Variants in VWA5B1 observed in about 807,000 individuals in gnomAD.
The protein encoded by VWA5B1 is von Willebrand factor A domain-containing protein 5B1.
Under a neutral mutation model 118.2 loss-of-function variants are expected in VWA5B1, and 115 were observed. The observed-to-expected ratio is 0.97, with a 90% CI of 0.84 to 1.14. The LOEUF (loss-of-function observed/expected upper bound fraction) is 1.14. Among genes scored for constraint, VWA5B1 ranks in the 50% most tolerant of loss-of-function variants. VWA5B1 has a pLI of 0.00. For synonymous variants in VWA5B1, 682 were observed against 658.4 expected, an observed-to-expected ratio of 1.04 and a Z score of -0.55; for missense variants, 1,596 against 1,603.8, an observed-to-expected ratio of 1.00 and a Z score of 0.08.
At chr1:20,350,977 G>T in intron 20 of VWA5B1, 51 bp downstream of exon 20, 1 of 1,532,810 alleles carries the variant, frequency 6.5e-7, no homozygotes. Context: ...CATTTTCCTG[G>T]GGTGGTCCCT....
chr1:20,304,957 T>C lies in VWA5B1; in HGVS notation c.-26-5619T>C, dbSNP rs979075606. Among the ~76,000 whole-genome samples, 4 of 151,956 alleles carry C rather than the reference T, an allele frequency of 2.6e-5. No individual in the cohort carries two copies. In the East Asian group the frequency reaches 5.8e-4, roughly 22 times the overall value. ...ATCATATATGTAAAGCACTCAGTGG[T>C]ATTTCATCCATTCAGCAAATACTTA... On this transcript the variant is annotated intron_variant, in intron 1 of 21. Coordinates refer to ENST00000289815, the MANE Select transcript of VWA5B1 (RefSeq NM_001039500.3).
intron 12 of VWA5B1, among the ~76,000 whole-genome samples, chr1:20,334,587 G>A (rs1354751414): frequency 1.3e-5 from 2 of 151,762 alleles, no homozygotes; most frequent in African/African-American, 4.8e-5. Context: ...GAGGCAGGTT[G>A]ATCACCTGAG....
At chr1:20,337,253 G>A (rs570022327) in intron 13 of VWA5B1, among the ~76,000 whole-genome samples, 1 of 152,124 alleles carries the variant, frequency 6.6e-6, no homozygotes, top group South Asian at 2.1e-4. Context: ...TCAGCCTCCC[G>A]AATAGCTGGG....
At chr1:20,291,372 T>TCTCC in intron 1 of VWA5B1, among the ~76,000 whole-genome samples, 1 of 149,570 alleles carries the variant, frequency 6.7e-6, no homozygotes, top group African/African-American at 2.5e-5. Context: ...TCTCTCTCTC[T>TCTCC]CTCTCTCTCT....
At chr1:20,346,116 T>C (rs1165245662) in intron 17 of VWA5B1, among the ~76,000 whole-genome samples, 1 of 152,236 alleles carries the variant, frequency 6.6e-6, no homozygotes, top group Non-Finnish European at 1.5e-5. Context: ...GAAATGAATC[T>C]ATATCATTTT....
At chr1:20,306,266 T>C (rs1046471596) in intron 1 of VWA5B1, among the ~76,000 whole-genome samples, 1 of 151,428 alleles carries the variant, frequency 6.6e-6, no homozygotes. Context: ...CATGAGCACG[T>C]GCATGTCTAG....
At chr1:20,327,749 A>G in intron 8 of VWA5B1, 141 bp from the exon 9 acceptor site, 2 of 713,906 alleles carry the variant, frequency 2.8e-6, no homozygotes, top group Non-Finnish European at 4.7e-6. Context: ...GTGAGGGAAA[A>G]GGAGTTGCTG....
Position 20,352,092 on chromosome 1 carries a change from G to A in VWA5B1, c.3061G>A (p.Ala1021Thr), listed in dbSNP as rs954267678. The change falls in exon 21 of 22, where the codon GCC becomes ACC. Residue 1021 changes from alanine to threonine, a missense_variant. By Grantham distance (58) the Ala-to-Thr change is moderately conservative. Transcript: ENST00000289815. ...CAAGTCCAGGCTACTGACGCGAGCA[G>A]CCAAGGGCTTCCTGAGCAAGCCACT... ...LNKSRLLTRA[A>T]KGFLSKPLIK... The A allele has an allele frequency of 6.4e-6, 10 of 1,551,198 alleles. No homozygotes were observed. The highest frequency in any genetic ancestry group is 8.7e-6 in the Non-Finnish European group (10 of 1,146,964).
intron 11 of VWA5B1, among the ~76,000 whole-genome samples, chr1:20,332,442 T>G (rs2089585389): frequency 6.7e-6 from 1 of 149,662 alleles, no homozygotes; most frequent in African/African-American, 2.5e-5. Flanking sequence ...ATCATGCCAC[T>G]GCACTCCAGC....
intron 12 of VWA5B1, 82 bp downstream of exon 12, chr1:20,333,033 G>T (rs1289115811): frequency 1.4e-6 from 2 of 1,472,706 alleles, no homozygotes; most frequent in Admixed American, 2.2e-5. Context: ...AAGACTATTT[G>T]TGACAGCTAG....
At chr1:20,311,057 C>T (rs1196240973) in intron 2 of VWA5B1, among the ~76,000 whole-genome samples, 1 of 152,214 alleles carries the variant, frequency 6.6e-6, no homozygotes, top group Non-Finnish European at 1.5e-5. Context: ...ACTGCAGCCT[C>T]CACCTCCCGG....
rs1411522159 is a variant in VWA5B1 at position 20,350,198 on chromosome 1, C to A, written c.2921C>A (p.Ser974Tyr). 1.3e-6 allele frequency: 2 copies of A among 1,551,126 alleles called. No homozygotes were observed. Among genetic ancestry groups the A allele is most frequent in the Admixed American group, 3.9e-5 (2 of 51,000 alleles). Reference protein sequence around the residue: ...SPTALFSEARSPGREKHGASE... With the variant: ...SPTALFSEARYPGREKHGASE... ...ACTGCTCTCTTCAGCGAGGCCAGGT[C>A]CCCCGGCCGCGAGAAGCACGGTGCT... The change falls in exon 19 of 22, where the codon TCC becomes TAC. Residue 974 changes from serine to tyrosine, a missense_variant. Transcript: ENST00000289815.
At position 20,355,602 on chromosome 1, in the gene VWA5B1, G is replaced by A. The variant is rs150330221; in HGVS notation, c.*1339G>A. Among the ~76,000 whole-genome samples, 60 of 152,322 alleles carry A rather than the reference G, an allele frequency of 3.9e-4. No homozygotes were observed. The highest frequency in any genetic ancestry group is 1.3e-3 in the African/African-American group (52 of 41,576). The stretch of plus-strand genomic sequence containing the variant: ...GAGTGAAGCTCCACAGACTTCCCTC[G>A]TGGGAAGGCCTTGGAAGCTTAGCTT... On this transcript the variant is annotated 3_prime_UTR_variant, in exon 22 of 22. Coordinates refer to ENST00000289815, the MANE Select transcript of VWA5B1 (RefSeq NM_001039500.3).
At chr1:20,335,858 G>A (rs2089700530) in intron 12 of VWA5B1, among the ~76,000 whole-genome samples, 1 of 152,126 alleles carries the variant, frequency 6.6e-6, no homozygotes, top group Admixed American at 6.5e-5. Flanking sequence ...GGAAGGAGAG[G>A]CAAGAGAAGC....
chr1:20,296,545 A>T (rs2088410314), intron 1 of VWA5B1, among the ~76,000 whole-genome samples: 1 of 152,258 alleles, frequency 6.6e-6, no homozygotes, highest in Non-Finnish European at 1.5e-5. Context: ...TTATGCTGTG[A>T]CAGTGAAATA....
chr1:20,354,595 C>G lies in VWA5B1; in HGVS notation c.*332C>G. On this transcript the variant is annotated 3_prime_UTR_variant, in exon 22 of 22. Coordinates refer to ENST00000289815, the MANE Select transcript of VWA5B1 (RefSeq NM_001039500.3). ...AGTCCCGGGCTGACTGCTGCTGGGG[C>G]TGGCGAGGGAAGATGCAGTGGAAGC... 1 of 328,156 alleles carries G rather than the reference C, an allele frequency of 3.0e-6. No individual in the cohort carries two copies. The highest frequency in any genetic ancestry group is 4.7e-5 in the Admixed American group (1 of 21,160). 20.3% of individuals were successfully genotyped at this position (328,156 alleles called of 1,614,324 possible). A position where few individuals can be genotyped will look rare whatever the true frequency, so the allele number is the denominator to read the frequency against.
At chr1:20,317,491 C>G (rs763388449) in intron 4 of VWA5B1, 39 bp from the exon 5 acceptor site, 15 of 1,546,060 alleles carry the variant, frequency 9.7e-6, no homozygotes, top group Non-Finnish European at 1.3e-5. Context: ...CTTCTTCCAC[C>G]CTGGCTGGTC....
At chr1:20,326,334 C>T (rs2089378803) in intron 8 of VWA5B1, among the ~76,000 whole-genome samples, 1 of 152,006 alleles carries the variant, frequency 6.6e-6, no homozygotes. Flanking sequence ...TTCCCTGAAG[C>T]CATGCTGAGA....
Position 20,330,385 on chromosome 1 carries a change from C to T in VWA5B1, c.1457+3C>T, listed in dbSNP as rs1392940649. The T allele has an allele frequency of 5.8e-6, 9 of 1,551,444 alleles. No homozygotes were observed. Among genetic ancestry groups the T allele is most frequent in the African/African-American group, 2.7e-5 (2 of 73,050 alleles). On this transcript the variant is annotated splice_donor_region_variant and intron_variant, in intron 10 of 21. Transcript: ENST00000289815. ...CGAAATCACGCCTTCTCCACCAGGT[C>T]GGCCTTGGCTGAGGGTCTAGGCTCG...
Sources: gnomAD v4.1 joint callset for allele counts (sites outside exome capture counted in the v4.1 genomes callset) on GRCh38, gnomAD v4.1.1 for gene constraint, MANE v1.5 for transcripts, NCBI Gene and HGNC (gene_info 2026-07-23, HGNC 2026-07-21) for gene names.